Variants in COPG2 observed in about 807,000 individuals in gnomAD.
The protein encoded by COPG2 is coatomer subunit gamma-2.
Under a neutral mutation model 46.3 loss-of-function variants are expected in COPG2, and 37 were observed. The ratio of observed to expected loss-of-function variants is 0.80; its 90% CI spans 0.61 to 1.05. COPG2 has a LOEUF of 1.05. Ranked by LOEUF, COPG2 falls within the 50% of genes least tolerant of loss-of-function variation. The pLI is 0.00. For missense variants in COPG2, 427 were observed against 387.8 expected (o/e 1.10, Z -0.85); for synonymous variants, 159 against 129.7 (o/e 1.23, Z -1.53).
chr7:130,512,478 T>C (rs1215142843), intron 20 of COPG2, among the ~76,000 whole-genome samples: 3 of 151,246 alleles, frequency 2.0e-5, no homozygotes, highest in Non-Finnish European at 4.4e-5. Context: ...AGTCTATATC[T>C]ATTTCTGTAG....
At chr7:130,576,169 G>C (rs1303295580) in intron 9 of COPG2, among the ~76,000 whole-genome samples, 3 of 152,162 alleles carry the variant, frequency 2.0e-5, no homozygotes, top group African/African-American at 7.2e-5. Context: ...CATCAAGACA[G>C]AAAGTCAACA....
At chr7:130,559,933 AATTT>A (rs1430597302) in intron 12 of COPG2, among the ~76,000 whole-genome samples, 6 of 152,256 alleles carry the variant, frequency 3.9e-5, no homozygotes, top group Admixed American at 2.0e-4. Flanking sequence ...TTTTAACTGA[AATTT>A]ATTTATTTAT....
intron 9 of COPG2, among the ~76,000 whole-genome samples, chr7:130,577,403 G>GCCAGGGCGAGGCAT (rs1794021531): frequency 6.6e-6 from 1 of 152,212 alleles, no homozygotes; most frequent in African/African-American, 2.4e-5. Context: ...AAAGAAAGGG[G>GCCAGGGCGAGGCAT]TGATGGACGC....
chr7:130,576,231 T>C (rs376017185), intron 9 of COPG2, among the ~76,000 whole-genome samples: 45 of 152,264 alleles, frequency 3.0e-4, no homozygotes, highest in African/African-American at 9.1e-4. Context: ...TTAACAAATA[T>C]ATAGAACATC....
intron 5 of COPG2, among the ~76,000 whole-genome samples, chr7:130,628,811 G>A (rs897072465): frequency 4.6e-5 from 7 of 152,258 alleles, no homozygotes; most frequent in South Asian, 4.1e-4. Context: ...TTGGGAGGCC[G>A]AGGCAGGAGG....
intron 20 of COPG2, among the ~76,000 whole-genome samples, chr7:130,540,131 G>C (rs2116369591): frequency 6.6e-6 from 1 of 152,168 alleles, no homozygotes; most frequent in East Asian, 1.9e-4. Flanking sequence ...GTGTGAGTGG[G>C]AGAGGAGGTA....
intron 4 of COPG2, among the ~76,000 whole-genome samples, chr7:130,653,696 T>A (rs1795794915): frequency 6.6e-6 from 1 of 152,252 alleles, no homozygotes; most frequent in Non-Finnish European, 1.5e-5. Flanking sequence ...TCCAGCCTCA[T>A]CCCTTACTGA....
chr7:130,646,859 G>A lies in COPG2; in HGVS notation c.323+6010C>T, dbSNP rs191865763. Among the ~76,000 whole-genome samples the A allele has an allele frequency of 4.6e-5, 7 of 151,184 alleles. No homozygotes were observed. In the South Asian group the frequency reaches 1.0e-3, roughly 23 times the overall value. On this transcript the variant is annotated intron_variant, in intron 5 of 23. Transcript: ENST00000425248. ...TTCCTGAGGCCTCCCCCAGCCACGC[G>A]GAACTGTGAGTCAATTACACCCCTT...
intron 5 of COPG2, among the ~76,000 whole-genome samples, chr7:130,626,915 G>A (rs887968444): frequency 1.3e-5 from 2 of 152,028 alleles, no homozygotes; most frequent in East Asian, 1.9e-4. Context: ...AGACAGGGTC[G>A]CTCTGTTGCC....
intron 9 of COPG2, chr7:130,610,188 A>G: frequency 2.1e-6 from 1 of 465,964 alleles, no homozygotes; most frequent in South Asian, 1.6e-5. Context: ...AATACTTATC[A>G]TTAGAAAAGT....
At chr7:130,595,440 G>A (rs1794509938) in intron 9 of COPG2, among the ~76,000 whole-genome samples, 1 of 152,100 alleles carries the variant, frequency 6.6e-6, no homozygotes, top group Admixed American at 6.5e-5. Flanking sequence ...AGTGGTGGTG[G>A]TTACATAGTT....
chr7:130,605,545 G>A (rs1020403682), intron 9 of COPG2, among the ~76,000 whole-genome samples: 1 of 152,168 alleles, frequency 6.6e-6, no homozygotes, highest in Non-Finnish European at 1.5e-5. Flanking sequence ...GCTCTGACAC[G>A]TATGAATCAA....
At chr7:130,573,116 G>A (rs1355312210) in intron 9 of COPG2, among the ~76,000 whole-genome samples, 1 of 150,022 alleles carries the variant, frequency 6.7e-6, no homozygotes, top group African/African-American at 2.4e-5. Context: ...AGATGAAATG[G>A]AAAAATTCCT....
rs896156266 is a variant in COPG2 at position 130,564,353 on chromosome 7, G to A, written c.778C>T (p.Arg260Ter). 5.0e-6 allele frequency: 2 copies of A among 398,506 alleles called. No individual in the cohort carries two copies. The highest frequency in any genetic ancestry group is 4.4e-5 in the Admixed American group (1 of 22,732). The allele number at this position is 398,506 out of a possible 1,614,324, so 24.7% of individuals were successfully genotyped here. ...PLFDFIESCL[R>*]NKHEMVIYEA... ...TAAATAACCATTTCATGTTTATTTC[G>A]CAAGCAGCTCTCAATGAAATCAAAC... Residue 260 changes from arginine to a stop codon, truncating the protein, a stop_gained, in exon 10 of 24, where the codon CGA (arginine) becomes TGA (stop). Transcript: ENST00000425248. LOFTEE classifies it high-confidence loss of function.
At chr7:130,604,580 T>C in intron 9 of COPG2, 1 of 277,896 alleles carries the variant, frequency 3.6e-6, no homozygotes, top group South Asian at 3.9e-5. Context: ...ATGTACAGTT[T>C]ATTTTGCATT....
intron 20 of COPG2, among the ~76,000 whole-genome samples, chr7:130,524,286 G>A (rs1410197843): frequency 1.3e-5 from 2 of 152,044 alleles, no homozygotes; most frequent in African/African-American, 4.8e-5. Flanking sequence ...GTCAAGAAGG[G>A]AGGAGGTACC....
chr7:130,514,790 A>T (rs1799665498), intron 20 of COPG2, among the ~76,000 whole-genome samples: 1 of 152,224 alleles, frequency 6.6e-6, no homozygotes, highest in Non-Finnish European at 1.5e-5. Flanking sequence ...GCATTAAATA[A>T]ACTAGATAAT....
intron 9 of COPG2, among the ~76,000 whole-genome samples, chr7:130,609,353 G>C (rs1233029464): frequency 6.6e-6 from 1 of 152,252 alleles, no homozygotes; most frequent in East Asian, 1.9e-4. Context: ...CATGAGATCT[G>C]ATGGTTTTAA....
intron 2 of COPG2, among the ~76,000 whole-genome samples, 195 bp from the exon 3 acceptor site, chr7:130,667,124 G>A (rs987883245): frequency 6.6e-6 from 1 of 151,968 alleles, no homozygotes; most frequent in Non-Finnish European, 1.5e-5. Flanking sequence ...CATTCCCTTA[G>A]GTTGACTACT....
Sources: gnomAD v4.1 joint callset for allele counts (sites outside exome capture counted in the v4.1 genomes callset) on GRCh38, gnomAD v4.1.1 for gene constraint, MANE v1.5 for transcripts, NCBI Gene and HGNC (gene_info 2026-07-23, HGNC 2026-07-21) for gene names.